MROH1: variants seen among roughly 807,000 people sequenced by gnomAD.
MROH1 encodes maestro heat like repeat family member 1.
MROH1 carries 117 observed loss-of-function variants against 116.5 expected under a neutral mutation model. That is an observed-to-expected ratio of 1.00 (90% confidence interval 0.86 to 1.17). The LOEUF (loss-of-function observed/expected upper bound fraction) is 1.17, where lower values mean the gene tolerates loss of function less well. MROH1 is among the 50% of genes most tolerant of loss of function. The probability of loss-of-function intolerance (pLI) is 0.00; values close to 1 mark genes in which losing one functional copy is unlikely to be tolerated. For missense variants in MROH1, 1,873 were observed against 1,338.5 expected, an observed-to-expected ratio of 1.40 and a Z score of -6.23; for synonymous variants, 921 against 583.9, an observed-to-expected ratio of 1.58 and a Z score of -8.32.
chr8:144,211,643 T>C (rs571446324), intron 12 of MROH1, among the ~76,000 whole-genome samples: 58 of 151,944 alleles, frequency 3.8e-4, no homozygotes, highest in African/African-American at 1.3e-3. Flanking sequence ...AGAGAATCGC[T>C]TAAACCCAGG....
In MROH1 at chr8:144,158,863, C is replaced by T. The variant is rs904277166; in HGVS notation, c.-176-2107C>T. 2.0e-5 allele frequency among the ~76,000 whole-genome samples: 3 copies of T among 151,962 alleles called. 1 individual carries two copies. Among genetic ancestry groups the T allele is most frequent in the South Asian group, 4.2e-4 (2 of 4,814 alleles). On this transcript the variant is annotated intron_variant, in intron 1 of 43. Coordinates refer to ENST00000326134, the MANE Select transcript of MROH1 (RefSeq NM_032450.3). Reference sequence around the variant, plus strand: ...GGGCTCAAGTGATCCTCCTGCCTCCCGAGTAGCTGGGACTACAGGCGCACG... The same window carrying T: ...GGGCTCAAGTGATCCTCCTGCCTCCTGAGTAGCTGGGACTACAGGCGCACG...
intron 4 of MROH1, among the ~76,000 whole-genome samples, chr8:144,177,799 G>A (rs112847342): frequency 6.6e-6 from 1 of 151,756 alleles, no homozygotes; most frequent in African/African-American, 2.4e-5. Context: ...CTCCTCCTCT[G>A]TCTTCCTCCT....
Position 144,258,828 on chromosome 8 carries a change from T to C in MROH1, c.3843T>C (p.Asp1281=), listed in dbSNP as rs1217021281. 2 of 769,560 alleles carry C rather than the reference T, an allele frequency of 2.6e-6. No individual in the cohort carries two copies. The highest frequency in any genetic ancestry group is 4.8e-6 in the Non-Finnish European group (2 of 414,586). 47.7% of individuals were successfully genotyped at this position (769,560 alleles called of 1,614,324 possible). A position where few individuals can be genotyped will look rare whatever the true frequency, so the allele number is the denominator to read the frequency against. Residue 1281 remains aspartate (D), a synonymous_variant, in exon 36 of 44, where the codon GAT becomes GAC. Coordinates refer to ENST00000326134, the MANE Select transcript of MROH1 (RefSeq NM_032450.3). ...TGCTACTCCGCAGCGGCAGCGAGGA[T>C]GTGGTACAGCGCATGGACCTGGAGG... ...RSMLLRSGSE[D]VVQRMDLEGG...
intron 25 of MROH1, 38 bp downstream of exon 25, chr8:144,243,654 T>C (rs1588448725): frequency 2.7e-5 from 21 of 776,064 alleles, no homozygotes; most frequent in South Asian, 2.7e-4. Context: ...CTCAGGCAGG[T>C]TCCTGGGAGA....
In MROH1 at chr8:144,192,657, G is replaced by GCAGGCCCAGTA. The variant is rs1224987947; in HGVS notation, c.948+261_948+271dup. 66 of 665,532 alleles carry GCAGGCCCAGTA rather than the reference G, an allele frequency of 9.9e-5. 1 individual carries two copies. The highest frequency in any genetic ancestry group is 2.7e-4 in the Admixed American group (13 of 48,168). The allele number at this position is 665,532 out of a possible 1,614,324, so 41.2% of individuals were successfully genotyped here. On this transcript the variant is annotated intron_variant, in intron 10 of 43. Coordinates refer to ENST00000326134, the MANE Select transcript of MROH1 (RefSeq NM_032450.3). ...GCAGGAGTGGGTGCCCAGGCCCAGT[G>GCAGGCCCAGTA]CAGGCCCAGTACAGGTGGTCCCAGA...
chr8:144,220,981 C>T (rs1207654557), intron 13 of MROH1, among the ~76,000 whole-genome samples: 3 of 152,172 alleles, frequency 2.0e-5, no homozygotes, highest in African/African-American at 7.2e-5. Flanking sequence ...GCTCTGCTCG[C>T]GGTGATTGCA....
intron 14 of MROH1, among the ~76,000 whole-genome samples, chr8:144,224,819 T>C (rs1837493090): frequency 6.6e-6 from 1 of 152,158 alleles, no homozygotes; most frequent in African/African-American, 2.4e-5. Flanking sequence ...GGTGCTGGGC[T>C]CTGTGGTTCA....
Position 144,179,449 on chromosome 8 carries a change from C to T in MROH1, c.169-6C>T, listed in dbSNP as rs1824972923. ...TGGGACCGACCTGGACGGTGTCTCT[C>T]CGCAGCTGGCACACCCATACCGAGC... On this transcript the variant is annotated splice_polypyrimidine_tract_variant and splice_region_variant and intron_variant, in intron 4 of 43. Transcript: ENST00000326134. 4.3e-6 allele frequency: 7 copies of T among 1,613,128 alleles called. No homozygotes were observed. Among genetic ancestry groups the T allele is most frequent in the Middle Eastern group, 1.7e-4 (1 of 6,048 alleles).
intron 13 of MROH1, among the ~76,000 whole-genome samples, chr8:144,221,369 C>G (rs1836706467): frequency 6.6e-6 from 1 of 152,126 alleles, no homozygotes; most frequent in Non-Finnish European, 1.5e-5. Flanking sequence ...CTCCCAGGAC[C>G]CCAGGGCAGA....
intron 12 of MROH1, among the ~76,000 whole-genome samples, chr8:144,205,646 G>A (rs1832674382): frequency 6.6e-6 from 1 of 152,010 alleles, no homozygotes; most frequent in East Asian, 1.9e-4. Context: ...CATAGAGTGC[G>A]CATTCAGCAT....
chr8:144,152,531 G>A (rs1817057439), intron 1 of MROH1, among the ~76,000 whole-genome samples: 1 of 150,168 alleles, frequency 6.7e-6, no homozygotes, highest in Non-Finnish European at 1.5e-5. Flanking sequence ...TGGGACTACA[G>A]GCGTGTGAAA....
At chr8:144,248,041 G>A (rs1421920454) in intron 31 of MROH1, among the ~76,000 whole-genome samples, 1 of 152,262 alleles carries the variant, frequency 6.6e-6, no homozygotes, top group African/African-American at 2.4e-5. Context: ...TTCAGCGGCT[G>A]CCCTGTGTGG....
intron 26 of MROH1, 58 bp from the exon 27 acceptor site, chr8:144,244,164 T>C: frequency 1.4e-6 from 1 of 711,530 alleles, no homozygotes; most frequent in African/African-American, 1.7e-5. Context: ...TGGAGGTTAC[T>C]GGGTGTCTGA....
At position 144,239,057 on chromosome 8, in the gene MROH1, A is replaced by C; in HGVS notation, c.1469A>C (p.Gln490Pro). 2.6e-6 allele frequency: 2 copies of C among 778,302 alleles called. No homozygotes were observed. Among genetic ancestry groups the C allele is most frequent in the Middle Eastern group, 5.0e-4 (2 of 4,000 alleles). 48.2% of individuals were successfully genotyped at this position (778,302 alleles called of 1,614,324 possible). Residue 490 changes from glutamine to proline, a missense_variant, in exon 16 of 44, where the codon CAG becomes CCG. Transcript: ENST00000326134. Reference sequence around the variant, plus strand: ...TAGGTCCTCTGGCCATACCTGCTCCAGTTCCTCACCCCTGTGCGCTTCACT... The same window carrying C: ...TAGGTCCTCTGGCCATACCTGCTCCCGTTCCTCACCCCTGTGCGCTTCACT... ...MSHVLWPYLL[Q>P]FLTPVRFTGA... is the part of the protein sequence containing the mutation.
intron 4 of MROH1, among the ~76,000 whole-genome samples, chr8:144,173,855 C>T (rs1431816257): frequency 1.3e-5 from 2 of 152,190 alleles, no homozygotes; most frequent in African/African-American, 4.8e-5. Flanking sequence ...TGAGCTCTTA[C>T]ACCACACCCA....
Position 144,255,542 on chromosome 8 carries a change from C to T in MROH1, c.3628C>T (p.Pro1210Ser). 1.3e-6 allele frequency: 1 copy of T among 779,258 alleles called. No homozygotes were observed. The allele number at this position is 779,258 out of a possible 1,614,324, so 48.3% of individuals were successfully genotyped here. A position where few individuals can be genotyped will look rare whatever the true frequency, so the allele number is the denominator to read the frequency against. The change falls in exon 35 of 44, where the codon CCT becomes TCT. Residue 1210 changes from proline to serine, a missense_variant. Coordinates refer to ENST00000326134, the MANE Select transcript of MROH1 (RefSeq NM_032450.3). ...TCALFEVMST[P>S]AAGPAVLELY... ...TGCACTGTTTGAGGTCATGTCCACG[C>T]CTGCAGCGGGGCCCGCGGTGCTCGA...
intron 33 of MROH1, chr8:144,250,591 G>C (rs1204077481): frequency 3.2e-6 from 2 of 629,884 alleles, no homozygotes; most frequent in Non-Finnish European, 5.8e-6. Context: ...ACTGGCTCCG[G>C]TGGGCCCTGC....
At chr8:144,177,223 C>T (rs1195191572) in intron 4 of MROH1, among the ~76,000 whole-genome samples, 4 of 152,204 alleles carry the variant, frequency 2.6e-5, no homozygotes, top group Non-Finnish European at 5.9e-5. Flanking sequence ...GCTACTGATG[C>T]TGGGACTCTC....
At chr8:144,190,724 G>A in intron 7 of MROH1, 60 bp from the exon 8 acceptor site, 1 of 1,580,896 alleles carries the variant, frequency 6.3e-7, no homozygotes, top group South Asian at 1.1e-5. Context: ...GCAGACATAG[G>A]TGCTGAGGAT....
Sources: allele counts gnomAD v4.1 joint callset (sites outside exome capture counted in the v4.1 genomes callset), GRCh38; gene constraint gnomAD v4.1.1; transcripts MANE v1.5; gene names NCBI Gene and HGNC (gene_info 2026-07-23, HGNC 2026-07-21).